Variants in MFAP3L observed in about 807,000 individuals in gnomAD.
MFAP3L encodes microfibril associated protein 3 like.
Under a neutral mutation model 20.0 loss-of-function variants are expected in MFAP3L, and 5 were observed. The observed-to-expected ratio is 0.25, with a 90% CI of 0.13 to 0.53. The LOEUF (loss-of-function observed/expected upper bound fraction) is 0.53. Among genes scored for constraint, MFAP3L ranks in the 20% least tolerant of loss-of-function variants. MFAP3L has a pLI of 0.96. For missense variants in MFAP3L, 409 were observed against 527.5 expected, an observed-to-expected ratio of 0.78 and a Z score of 2.20; for synonymous variants, 219 against 213.0, an observed-to-expected ratio of 1.03 and a Z score of -0.25.
chr4:169,996,658 C>T (rs1738190775), intron 2 of MFAP3L, among the ~76,000 whole-genome samples: 1 of 152,100 alleles, frequency 6.6e-6, no homozygotes, highest in Non-Finnish European at 1.5e-5. Flanking sequence ...ACACTGTGAG[C>T]CGCTGGAGCT....
chr4:170,000,680 T>C (rs898055717), intron 2 of MFAP3L, among the ~76,000 whole-genome samples: 11 of 152,348 alleles, frequency 7.2e-5, no homozygotes, highest in African/African-American at 2.4e-4. Flanking sequence ...TTTCCAATAA[T>C]ATGTACATAT....
rs961638624 is a variant in MFAP3L, at chr4:169,991,232, C to T, written c.*146G>A. On this transcript the variant is annotated 3_prime_UTR_variant, in exon 3 of 3. Coordinates refer to ENST00000361618, the MANE Select transcript of MFAP3L (RefSeq NM_021647.8). The surrounding 1 kb of genome is among the most constrained non-coding windows in gnomAD (Gnocchi z 4.9). The stretch of plus-strand genomic sequence containing the variant: ...AAATTCCAGTCCCATTCACTGCAGG[C>T]AGGTGTTTCTCCTTTTAAAGTGGCA... 2 of 799,240 alleles carry T rather than the reference C, an allele frequency of 2.5e-6. No homozygotes were observed. The highest frequency in any genetic ancestry group is 2.8e-5 in the Admixed American group (1 of 36,006). 49.5% of individuals were successfully genotyped at this position (799,240 alleles called of 1,614,324 possible).
chr4:169,992,384 A>G lies in MFAP3L; in HGVS notation c.299-75T>C, dbSNP rs1700548764. The stretch of plus-strand genomic sequence containing the variant: ...GACTACAAACTGATACGTTTCTAAG[A>G]ACATCTATGAACATCTATGAAGAAC... On this transcript the variant is annotated intron_variant, in intron 2 of 2. Coordinates refer to ENST00000361618, the MANE Select transcript of MFAP3L (RefSeq NM_021647.8). This position sits in a 1 kb window ranked among gnomAD's most constrained non-coding sequence, Gnocchi z 4.3. 1.7e-6 allele frequency: 2 copies of G among 1,145,878 alleles called. No individual in the cohort carries two copies. The highest frequency in any genetic ancestry group is 1.5e-5 in the South Asian group (1 of 67,596). 71.0% of individuals were successfully genotyped at this position (1,145,878 alleles called of 1,614,324 possible). A position where few individuals can be genotyped will look rare whatever the true frequency, so the allele number is the denominator to read the frequency against.
chr4:169,990,378 T>A lies in MFAP3L; in HGVS notation c.*1000A>T, dbSNP rs999876020. On this transcript the variant is annotated 3_prime_UTR_variant, in exon 3 of 3. Transcript: ENST00000361618. ...CCTGGTTATATGTCATCCAACAGCA[T>A]ATGGTCCCTGCAAGCCTGTTTGGAA... The A allele has an allele frequency of 6.6e-6, 1 of 152,460 alleles. No homozygotes were observed. Among genetic ancestry groups the A allele is most frequent in the East Asian group, 1.9e-4 (1 of 5,200 alleles). 9.4% of individuals were successfully genotyped at this position (152,460 alleles called of 1,614,324 possible). A position where few individuals can be genotyped will look rare whatever the true frequency, so the allele number is the denominator to read the frequency against.
At chr4:170,014,220 T>C (rs1739558953) in intron 1 of MFAP3L, among the ~76,000 whole-genome samples, 2 of 152,144 alleles carry the variant, frequency 1.3e-5, no homozygotes, top group Non-Finnish European at 2.9e-5. Flanking sequence ...TCATTTGGAG[T>C]ATGCATGTAG....
intron 2 of MFAP3L, among the ~76,000 whole-genome samples, chr4:169,996,536 T>A (rs1383443174): frequency 6.6e-6 from 1 of 151,988 alleles, no homozygotes. Flanking sequence ...AGCAAGGGCT[T>A]CCTAGAGGAG....
Position 169,991,227 on chromosome 4 carries a change from G to A in MFAP3L, c.*151C>T, listed in dbSNP as rs1312365405. On this transcript the variant is annotated 3_prime_UTR_variant, in exon 3 of 3. Coordinates refer to ENST00000361618, the MANE Select transcript of MFAP3L (RefSeq NM_021647.8). This position sits in a 1 kb window ranked among gnomAD's most constrained non-coding sequence, Gnocchi z 4.9. ...TGGGGAAATTCCAGTCCCATTCACTGCAGGCAGGTGTTTCTCCTTTTAAAG... is the reference window on the plus strand; with the variant it reads ...TGGGGAAATTCCAGTCCCATTCACTACAGGCAGGTGTTTCTCCTTTTAAAG... The A allele has an allele frequency of 2.6e-6, 2 of 773,542 alleles. No individual in the cohort carries two copies. Among genetic ancestry groups the A allele is most frequent in the East Asian group, 5.2e-5 (2 of 38,132 alleles). The allele number at this position is 773,542 out of a possible 1,614,324, so 47.9% of individuals were successfully genotyped here.
intron 1 of MFAP3L, among the ~76,000 whole-genome samples, chr4:170,011,587 T>C (rs973860848): frequency 1.3e-5 from 2 of 152,180 alleles, no homozygotes; most frequent in African/African-American, 2.4e-5. Context: ...TCAATCCAAA[T>C]TGATATGCAT....
intron 1 of MFAP3L, among the ~76,000 whole-genome samples, chr4:170,023,040 T>C (rs1477474423): frequency 6.6e-6 from 1 of 152,236 alleles, no homozygotes; most frequent in East Asian, 1.9e-4. Context: ...ATCCCAATGA[T>C]GTTCCTTCTT....
rs977379329 is a variant in MFAP3L at position 169,990,790 on chromosome 4, A to G, written c.*588T>C. 6.6e-6 allele frequency: 1 copy of G among 152,668 alleles called. No homozygotes were observed. Among genetic ancestry groups the G allele is most frequent in the Non-Finnish European group, 1.5e-5 (1 of 68,334 alleles). 9.5% of individuals were successfully genotyped at this position (152,668 alleles called of 1,614,324 possible). The stretch of plus-strand genomic sequence containing the variant: ...ATGACAAATGTAATGTGACTTGTAG[A>G]TATCAGCCCTGGTACTGGTGACTGA... On this transcript the variant is annotated 3_prime_UTR_variant, in exon 3 of 3. Transcript: ENST00000361618.
At position 170,005,806 on chromosome 4, in the gene MFAP3L, A is replaced by G. The variant is rs749647825; in HGVS notation, c.72T>C (p.Thr24=). ...PSVPFLILVS[T]LATAKSVTNS... ...TAGTCACACTCTTAGCGGTGGCTAG[A>G]GTGGATACTAGGATTAAAAAGGGCA... is the stretch of plus-strand genomic sequence containing the variant. The change falls in exon 2 of 3, where the codon ACT becomes ACC. Residue 24 remains threonine, a synonymous_variant. Transcript: ENST00000361618. 3 of 1,614,216 alleles carry G rather than the reference A, an allele frequency of 1.9e-6. No individual in the cohort carries two copies. The highest frequency in any genetic ancestry group is 2.5e-6 in the Non-Finnish European group (3 of 1,180,042).
chr4:170,012,709 T>C (rs923424073), intron 1 of MFAP3L, among the ~76,000 whole-genome samples: 1 of 152,194 alleles, frequency 6.6e-6, no homozygotes, highest in Non-Finnish European at 1.5e-5. Context: ...AGTTGGCCCT[T>C]AGGAGGAAAG....
At chr4:170,019,148 GC>G (rs1166819508) in intron 1 of MFAP3L, among the ~76,000 whole-genome samples, 3 of 152,142 alleles carry the variant, frequency 2.0e-5, no homozygotes, top group Non-Finnish European at 2.9e-5. Flanking sequence ...CTACTTTCTT[GC>G]AGGGGCGTCT....
At position 169,991,522 on chromosome 4, in the gene MFAP3L, A is replaced by T; in HGVS notation, c.1086T>A (p.Asp362Glu). The T allele has an allele frequency of 6.2e-7, 1 of 1,614,128 alleles. No individual in the cohort carries two copies. The highest frequency in any genetic ancestry group is 1.1e-5 in the South Asian group (1 of 91,080). Residue 362 changes from aspartate (D) to glutamate (E), a missense_variant, in exon 3 of 3, where the codon GAT becomes GAA. Asp to Glu is a conservative substitution (Grantham distance 45, BLOSUM62 2). Around this residue, in one of 3 missense-constraint regions of MFAP3L, gnomAD observed 169 missense variants for 178.2 expected, o/e 0.95. Transcript: ENST00000361618. This position sits in a 1 kb window ranked among gnomAD's most constrained non-coding sequence, Gnocchi z 4.9. ...HSPETAEPST[D>E]VTSTELTSEE... is the part of the protein sequence containing the mutation. ...CAGATGTTAGCTCGGTGGACGTGAC[A>T]TCGGTAGAAGGTTCTGCAGTTTCGG...
At chr4:170,000,901 T>C (rs913738364) in intron 2 of MFAP3L, among the ~76,000 whole-genome samples, 4 of 152,168 alleles carry the variant, frequency 2.6e-5, no homozygotes, top group Non-Finnish European at 4.4e-5. Context: ...TTTTTTTTTT[T>C]CCATAGAGAC....
At chr4:170,026,019 C>A (rs958992892) in intron 1 of MFAP3L, among the ~76,000 whole-genome samples, 7 of 152,136 alleles carry the variant, frequency 4.6e-5, no homozygotes, top group Non-Finnish European at 4.4e-5. Context: ...AAACGGCCAG[C>A]CCCCGCCCCG....
rs188625311 is a variant in MFAP3L at position 169,990,248 on chromosome 4, G to C, written c.*1130C>G. The C allele has an allele frequency of 6.6e-6, 1 of 152,200 alleles. No individual in the cohort carries two copies. The highest frequency in any genetic ancestry group is 1.5e-5 in the Non-Finnish European group (1 of 68,038). The allele number at this position is 152,200 out of a possible 1,614,324, so 9.4% of individuals were successfully genotyped here. A position where few individuals can be genotyped will look rare whatever the true frequency, so the allele number is the denominator to read the frequency against. On this transcript the variant is annotated 3_prime_UTR_variant, in exon 3 of 3. Coordinates refer to ENST00000361618, the MANE Select transcript of MFAP3L (RefSeq NM_021647.8). Reference sequence around the variant, plus strand: ...TGCAGGACTGCATAATTATTCAACAGTTTTGGCATAAAATCTGATGGCACA... The same window carrying C: ...TGCAGGACTGCATAATTATTCAACACTTTTGGCATAAAATCTGATGGCACA...
intron 1 of MFAP3L, among the ~76,000 whole-genome samples, chr4:170,016,246 A>G (rs1027267041): frequency 3.9e-4 from 59 of 152,356 alleles, no homozygotes; most frequent in African/African-American, 1.4e-3. Flanking sequence ...AGCCAGAGGC[A>G]GCCTTGCTAT....
intron 1 of MFAP3L, among the ~76,000 whole-genome samples, chr4:170,017,429 C>G (rs1415657985): frequency 6.6e-6 from 1 of 152,142 alleles, no homozygotes; most frequent in East Asian, 1.9e-4. Flanking sequence ...GTTATCTCAT[C>G]AGAGCCTCAG....
Sources: gnomAD v4.1 joint callset for allele counts (sites outside exome capture counted in the v4.1 genomes callset) on GRCh38, gnomAD v4.1.1 for gene constraint, gnomAD v4.1.1 regional missense constraint, Gnocchi (gnomAD v3.1) non-coding constraint, MANE v1.5 for transcripts, NCBI Gene and HGNC (gene_info 2026-07-23, HGNC 2026-07-21) for gene names.